CFAP46: variants seen among roughly 807,000 people sequenced by gnomAD.
CFAP46 encodes the protein cilia- and flagella-associated protein 46.
Under a neutral mutation model 325.7 loss-of-function variants are expected in CFAP46, and 245 were observed. The observed-to-expected ratio is 0.75, with a 90% CI of 0.68 to 0.84. CFAP46 has a LOEUF of 0.84. Among genes scored for constraint, CFAP46 ranks in the 40% least tolerant of loss-of-function variants. The pLI, the probability that CFAP46 is intolerant of heterozygous loss-of-function variation, is 0.00. For missense variants in CFAP46, 3,346 were observed against 3,543.0 expected (o/e 0.94, Z 1.41); for synonymous variants, 1,523 against 1,495.9 (o/e 1.02, Z -0.42).
chr10:132,906,623 TGAGAA>T, intron 22 of CFAP46, among the ~76,000 whole-genome samples: 1 of 48,046 alleles, frequency 2.1e-5, no homozygotes, highest in African/African-American at 7.8e-5. Flanking sequence ...TCCTGGGCAC[TGAGAA>T]GAGTGAACGG....
At chr10:132,860,630 G>GCA (rs1848708070) in intron 36 of CFAP46, 107 bp from the exon 37 acceptor site, 2 of 1,158,524 alleles carry the variant, frequency 1.7e-6, no homozygotes, top group African/African-American at 1.5e-5. Context: ...GGACAGGCGG[G>GCA]GGTAGATACG....
At chr10:132,938,474 G>T in intron 5 of CFAP46, 115 bp downstream of exon 5, 1 of 1,005,114 alleles carries the variant, frequency 9.9e-7, no homozygotes, top group Non-Finnish European at 1.5e-6. Context: ...AACGCACATG[G>T]AGTGTGCCCC....
intron 50 of CFAP46, among the ~76,000 whole-genome samples, chr10:132,819,770 C>G (rs1010562536): frequency 4.3e-4 from 66 of 152,272 alleles, no homozygotes; most frequent in African/African-American, 1.5e-3. Flanking sequence ...AAATGTAAGA[C>G]CTGAAACGAT....
chr10:132,850,368 G>A lies in CFAP46; in HGVS notation c.5828C>T (p.Pro1943Leu), dbSNP rs898134454. ...GATCTCCACACAGCCCACGCTCAGC[G>A]GCTGCAGGCTCCCCAGCTGTGCCAG... ...GALAQLGSLQ[P>L]LSVGCVEIRA... The change falls in exon 41 of 58, where the codon CCG (proline) becomes CTG (leucine). Residue 1943 changes from proline (P) to leucine (L), a missense_variant. By Grantham distance (98) the Pro-to-Leu change is moderately conservative (BLOSUM62 -3). Coordinates refer to ENST00000368586, the MANE Select transcript of CFAP46 (RefSeq NM_001200049.3). The A allele has an allele frequency of 3.2e-6, 5 of 1,569,760 alleles. No homozygotes were observed. Among genetic ancestry groups the A allele is most frequent in the African/African-American group, 1.4e-5 (1 of 73,800 alleles).
chr10:132,881,917 C>T (rs1417637237), intron 27 of CFAP46, among the ~76,000 whole-genome samples: 2 of 152,250 alleles, frequency 1.3e-5, no homozygotes, highest in African/African-American at 4.8e-5. Context: ...ACTGCATCAG[C>T]TGTCACAAGC....
intron 34 of CFAP46, 34 bp from the exon 35 acceptor site, chr10:132,866,205 C>T (rs1187571658): frequency 1.4e-6 from 2 of 1,478,142 alleles, no homozygotes; most frequent in East Asian, 2.6e-5. Context: ...CGGCACGATC[C>T]TGACACTTGT....
At chr10:132,848,787 C>T (rs971755027) in intron 41 of CFAP46, among the ~76,000 whole-genome samples, 5 of 152,166 alleles carry the variant, frequency 3.3e-5, no homozygotes, top group African/African-American at 1.2e-4. Context: ...ATTAAACTTT[C>T]GCTGCAACTT....
intron 33 of CFAP46, 85 bp from the exon 34 acceptor site, chr10:132,867,592 A>G: frequency 6.8e-7 from 1 of 1,463,280 alleles, no homozygotes; most frequent in South Asian, 1.3e-5. Context: ...ACGCAAACGA[A>G]AACAGCCACA....
intron 49 of CFAP46, among the ~76,000 whole-genome samples, chr10:132,833,749 G>A (rs893689248): frequency 5.9e-5 from 9 of 152,236 alleles, no homozygotes; most frequent in African/African-American, 2.2e-4. Flanking sequence ...AGCACGTGTG[G>A]TGTGGCGGGG....
chr10:132,869,383 T>C lies in CFAP46; in HGVS notation c.4512-11A>G. 1 of 1,516,624 alleles carries C rather than the reference T, an allele frequency of 6.6e-7. No individual in the cohort carries two copies. Among genetic ancestry groups the C allele is most frequent in the Non-Finnish European group, 8.8e-7 (1 of 1,132,290 alleles). The allele number at this position is 1,516,624 out of a possible 1,614,324, so 93.9% of individuals were successfully genotyped here. A position where few individuals can be genotyped will look rare whatever the true frequency, so the allele number is the denominator to read the frequency against. On this transcript the variant is annotated splice_polypyrimidine_tract_variant and intron_variant, in intron 32 of 57. Coordinates refer to ENST00000368586, the MANE Select transcript of CFAP46 (RefSeq NM_001200049.3). The surrounding 1 kb of genome is among the most constrained non-coding windows in gnomAD (Gnocchi z 6.2). The stretch of plus-strand genomic sequence containing the variant: ...CACGCGTGGGCGAGGCTGTGGGGAG[T>C]GTGGCCGAAAGAGTCAGTGTTGCAC...
intron 43 of CFAP46, 95 bp from the exon 44 acceptor site, chr10:132,846,322 G>A (rs555829087): frequency 9.8e-6 from 14 of 1,421,688 alleles, no homozygotes; most frequent in Admixed American, 7.0e-5. Context: ...CAGCCTGGGA[G>A]CAGGAGTGGG....
chr10:132,891,903 C>T (rs556415018), intron 25 of CFAP46, among the ~76,000 whole-genome samples: 14 of 152,318 alleles, frequency 9.2e-5, no homozygotes, highest in African/African-American at 3.4e-4. Flanking sequence ...AACCAATGTG[C>T]ACCAGACATG....
At chr10:132,811,699 T>A (rs1847584874) in intron 55 of CFAP46, among the ~76,000 whole-genome samples, 1 of 152,206 alleles carries the variant, frequency 6.6e-6, no homozygotes, top group South Asian at 2.1e-4. Context: ...GCGAGGCCTC[T>A]TCTACTTTAC....
chr10:132,831,267 C>A (rs1173540872), intron 50 of CFAP46, among the ~76,000 whole-genome samples: 1 of 138,022 alleles, frequency 7.2e-6, no homozygotes, highest in Non-Finnish European at 1.5e-5. Context: ...ATTCTTCTGC[C>A]GTGGGGGGAA....
At chr10:132,870,312 A>G (rs966709348) in intron 32 of CFAP46, among the ~76,000 whole-genome samples, 2 of 152,168 alleles carry the variant, frequency 1.3e-5, no homozygotes, top group Non-Finnish European at 2.9e-5. Flanking sequence ...AGGCCAGTTA[A>G]TAACCCTACG....
rs2135225333 is a variant in CFAP46, at chr10:132,860,533, G to T, written c.5092-10C>A. On this transcript the variant is annotated splice_polypyrimidine_tract_variant and intron_variant, in intron 36 of 57. Coordinates refer to ENST00000368586, the MANE Select transcript of CFAP46 (RefSeq NM_001200049.3). ...GAAATATGTGACACACCTGAGGACA[G>T]GCAGGGGTGGATACGGGTGTGTCTG... 2 of 1,531,010 alleles carry T rather than the reference G, an allele frequency of 1.3e-6. No homozygotes were observed. Among genetic ancestry groups the T allele is most frequent in the Middle Eastern group, 1.7e-4 (1 of 5,958 alleles). 94.8% of individuals were successfully genotyped at this position (1,531,010 alleles called of 1,614,324 possible). A position where few individuals can be genotyped will look rare whatever the true frequency, so the allele number is the denominator to read the frequency against.
intron 35 of CFAP46, among the ~76,000 whole-genome samples, chr10:132,861,603 G>A (rs1338455249): frequency 1.3e-5 from 2 of 152,234 alleles, no homozygotes; most frequent in African/African-American, 4.8e-5. Context: ...GAGCTGGGCA[G>A]CCACATGATC....
chr10:132,867,221 C>T (rs983188997), intron 34 of CFAP46, among the ~76,000 whole-genome samples, 154 bp downstream of exon 34: 4 of 147,922 alleles, frequency 2.7e-5, no homozygotes, highest in African/African-American at 7.3e-5. Context: ...ACACACAGGC[C>T]GGCCCCTCAC....
At chr10:132,936,156 C>T (rs1850000526) in intron 7 of CFAP46, among the ~76,000 whole-genome samples, 1 of 115,112 alleles carries the variant, frequency 8.7e-6, no homozygotes, top group African/African-American at 3.6e-5. Context: ...CCCCCCGGCC[C>T]CCAAATACAC....
Sources: gnomAD v4.1 joint callset for allele counts (sites outside exome capture counted in the v4.1 genomes callset) on GRCh38, gnomAD v4.1.1 for gene constraint, Gnocchi (gnomAD v3.1) non-coding constraint, MANE v1.5 for transcripts, NCBI Gene and HGNC (gene_info 2026-07-23, HGNC 2026-07-21) for gene names.